Variants in GMDS observed in about 807,000 individuals in gnomAD.
GMDS encodes the protein GDP-mannose 4,6-dehydratase.
A neutral mutation model predicts 49.9 loss-of-function variants in GMDS; 20 were observed. The ratio of observed to expected loss-of-function variants is 0.40; its 90% confidence interval spans 0.28 to 0.58. GMDS has a LOEUF of 0.58. Among genes scored for constraint, GMDS ranks in the 20% least tolerant of loss-of-function variants. The pLI is 0.42. For missense variants in GMDS, 362 were observed against 481.4 expected (o/e 0.75, Z 2.32); for synonymous variants, 177 against 178.6 (o/e 0.99, Z 0.07).
intron 1 of GMDS, among the ~76,000 whole-genome samples, chr6:2,170,570 T>C (rs116939721): frequency 0.041 from 6,164 of 151,306 alleles, 255 homozygotes; most frequent in South Asian, 0.13. Context: ...AAGGTTGCAG[T>C]GGGCTATGAC....
intron 8 of GMDS, among the ~76,000 whole-genome samples, chr6:1,730,176 T>C (rs1766737227): frequency 6.6e-6 from 1 of 152,222 alleles, no homozygotes; most frequent in African/African-American, 2.4e-5. Flanking sequence ...ATTTAGTCAG[T>C]GCCATAAGGC....
intron 4 of GMDS, among the ~76,000 whole-genome samples, chr6:1,963,999 G>C (rs1297448979): frequency 6.6e-6 from 1 of 152,188 alleles, no homozygotes; most frequent in Non-Finnish European, 1.5e-5. Flanking sequence ...TGAGTCCCTG[G>C]ATGAGGCTCA....
chr6:2,164,754 A>G (rs1015147257), intron 1 of GMDS, among the ~76,000 whole-genome samples: 3 of 152,222 alleles, frequency 2.0e-5, no homozygotes, highest in Non-Finnish European at 4.4e-5. Flanking sequence ...TAGCCATTTC[A>G]GCCCTGCAAC....
At position 2,144,901 on chromosome 6, in the gene GMDS, C is replaced by T. The variant is rs114267402; in HGVS notation, c.103-20170G>A. 5.7e-3 allele frequency among the ~76,000 whole-genome samples: 864 copies of T among 152,200 alleles called. 2 individuals carry two copies. Among genetic ancestry groups the T allele is most frequent in the Middle Eastern group, 0.017 (5 of 294 alleles). On this transcript the variant is annotated intron_variant, in intron 1 of 10. Coordinates refer to ENST00000380815, the MANE Select transcript of GMDS (RefSeq NM_001500.4). ...GAAAAAGATCCACAAAGGCAGCACT[C>T]AAAGCACATCAACAATAAAGGAAAC...
rs1027089303 is a variant in GMDS at position 1,833,988 on chromosome 6, C to T, written c.772-91402G>A. ...AAAAATGAAGACATGTATATACAAA[C>T]ATAACTGAATCACAAAGTCAGAGCT... On this transcript the variant is annotated intron_variant, in intron 7 of 10. Coordinates refer to ENST00000380815, the MANE Select transcript of GMDS (RefSeq NM_001500.4). The surrounding 1 kb of genome is among the most constrained non-coding windows in gnomAD (Gnocchi z 4.4). Among the ~76,000 whole-genome samples, 2 of 152,094 alleles carry T rather than the reference C, an allele frequency of 1.3e-5. No homozygotes were observed. The highest frequency in any genetic ancestry group is 4.8e-5 in the African/African-American group (2 of 41,406).
At chr6:1,801,801 T>A (rs992345988) in intron 7 of GMDS, among the ~76,000 whole-genome samples, 1 of 152,238 alleles carries the variant, frequency 6.6e-6, no homozygotes, top group African/African-American at 2.4e-5. Context: ...TGGAATTCTG[T>A]CCACTTGCTA....
intron 9 of GMDS, among the ~76,000 whole-genome samples, chr6:1,677,273 G>A (rs1302054989): frequency 6.6e-6 from 1 of 152,160 alleles, no homozygotes; most frequent in Non-Finnish European, 1.5e-5. Flanking sequence ...TAAAAAGTCA[G>A]GAAACAACAG....
intron 6 of GMDS, among the ~76,000 whole-genome samples, chr6:1,939,546 CATAT>C (rs1762712389): frequency 7.1e-6 from 1 of 140,160 alleles, no homozygotes; most frequent in Admixed American, 7.3e-5. Flanking sequence ...CACATATATA[CATAT>C]ATATACATAT....
chr6:1,773,396 C>T (rs1430275456), intron 7 of GMDS, among the ~76,000 whole-genome samples: 1 of 152,014 alleles, frequency 6.6e-6, no homozygotes, highest in Non-Finnish European at 1.5e-5. Flanking sequence ...ATGTTTAGCG[C>T]TCAGCAATGT....
At chr6:1,985,866 C>T (rs1765514885) in intron 4 of GMDS, among the ~76,000 whole-genome samples, 1 of 152,184 alleles carries the variant, frequency 6.6e-6, no homozygotes, top group Admixed American at 6.5e-5. Flanking sequence ...CAGAAGTTTA[C>T]TGGTCTTAAA....
rs1763849928 is a variant in GMDS, at chr6:1,959,975, T to A, written c.539-4A>T. The A allele has an allele frequency of 8.3e-6, 13 of 1,564,126 alleles. No individual in the cohort carries two copies. Among genetic ancestry groups the A allele is most frequent in the African/African-American group, 1.4e-5 (1 of 73,424 alleles). On this transcript the variant is annotated splice_region_variant and splice_polypyrimidine_tract_variant and intron_variant, in intron 5 of 10. Coordinates refer to ENST00000380815, the MANE Select transcript of GMDS (RefSeq NM_001500.4). The stretch of plus-strand genomic sequence containing the variant: ...TAGGCATAGAGTTTTGCTGCCCCTG[T>A]TGGAATAATTTTTTTTAAGCAATGA...
At chr6:2,119,829 G>A (rs548050912) in intron 2 of GMDS, among the ~76,000 whole-genome samples, 42 of 152,254 alleles carry the variant, frequency 2.8e-4, no homozygotes, top group Non-Finnish European at 5.7e-4. Context: ...ATGAAAATGA[G>A]TTTTTTGACA....
chr6:1,915,301 G>A (rs1030097801), intron 7 of GMDS, among the ~76,000 whole-genome samples: 3 of 152,220 alleles, frequency 2.0e-5, no homozygotes, highest in African/African-American at 7.2e-5. Flanking sequence ...ACAGGGCTGA[G>A]AATAAAGCAT....
intron 2 of GMDS, among the ~76,000 whole-genome samples, chr6:2,122,630 T>A (rs1008160421): frequency 6.6e-6 from 1 of 152,216 alleles, no homozygotes; most frequent in African/African-American, 2.4e-5. Flanking sequence ...CACCATCAGA[T>A]TCCTCCTAAT....
intron 6 of GMDS, among the ~76,000 whole-genome samples, chr6:1,941,994 G>A (rs1382116091): frequency 6.6e-6 from 1 of 152,182 alleles, no homozygotes; most frequent in East Asian, 1.9e-4. Context: ...TGAGTCGGAG[G>A]GAGAACCTTC....
chr6:2,226,060 A>C (rs1275306571), intron 1 of GMDS, among the ~76,000 whole-genome samples: 1 of 152,194 alleles, frequency 6.6e-6, no homozygotes, highest in Non-Finnish European at 1.5e-5. Context: ...AAAAGAAAGA[A>C]ATGAAATAGA....
intron 7 of GMDS, among the ~76,000 whole-genome samples, chr6:1,874,000 C>T (rs1758904730): frequency 1.3e-5 from 2 of 152,228 alleles, no homozygotes; most frequent in Non-Finnish European, 2.9e-5. Flanking sequence ...GGTGTAATTA[C>T]AGCTTGCAGG....
At chr6:2,212,358 G>C (rs1780098982) in intron 1 of GMDS, among the ~76,000 whole-genome samples, 1 of 152,108 alleles carries the variant, frequency 6.6e-6, no homozygotes, top group Non-Finnish European at 1.5e-5. Flanking sequence ...CCCAAGCTTA[G>C]ACAAAACACT....
intron 7 of GMDS, among the ~76,000 whole-genome samples, chr6:1,795,554 T>A (rs1013282660): frequency 2.6e-5 from 4 of 152,054 alleles, no homozygotes; most frequent in Non-Finnish European, 5.9e-5. Flanking sequence ...TGGGGAAAAA[T>A]TAAAAGGTGA....
Sources: gnomAD v4.1 joint callset for allele counts (sites outside exome capture counted in the v4.1 genomes callset) on GRCh38, gnomAD v4.1.1 for gene constraint, Gnocchi (gnomAD v3.1) non-coding constraint, MANE v1.5 for transcripts, NCBI Gene and HGNC (gene_info 2026-07-23, HGNC 2026-07-21) for gene names.